Variants in PREX2 observed in about 807,000 individuals in gnomAD.
PREX2 encodes the protein phosphatidylinositol 3,4,5-trisphosphate-dependent Rac exchanger 2 protein.
PREX2 carries 107 observed loss-of-function variants against 203.2 expected under a neutral mutation model. The observed-to-expected ratio is 0.53, with a 90% CI of 0.45 to 0.62. The LOEUF (loss-of-function observed/expected upper bound fraction) is 0.62. Ranked by LOEUF, PREX2 falls within the 20% of genes least tolerant of loss-of-function variation. The pLI, the probability that PREX2 is intolerant of heterozygous loss-of-function variation, is 0.00. For missense variants in PREX2, 1,777 were observed against 1,955.9 expected (o/e 0.91, Z 1.72); for synonymous variants, 672 against 663.6 (o/e 1.01, Z -0.19).
chr8:67,959,291 A>G (rs146851775), intron 1 of PREX2, among the ~76,000 whole-genome samples: 174 of 152,278 alleles, frequency 1.1e-3, no homozygotes, highest in African/African-American at 3.9e-3. Flanking sequence ...TGGATCTGGC[A>G]GTTAGAATGT....
At chr8:67,998,907 A>T (rs543343501) in intron 1 of PREX2, among the ~76,000 whole-genome samples, 7 of 152,220 alleles carry the variant, frequency 4.6e-5, no homozygotes, top group Non-Finnish European at 1.0e-4. Context: ...GTCCTTTTTC[A>T]CTTATGAAGG....
At chr8:68,093,126 C>T (rs914133185) in intron 20 of PREX2, among the ~76,000 whole-genome samples, 2 of 152,066 alleles carry the variant, frequency 1.3e-5, no homozygotes, top group African/African-American at 2.4e-5. Context: ...CGCAGTAGCT[C>T]CTGCCTGTAA....
At chr8:68,061,412 AC>A (rs1808847472) in intron 11 of PREX2, among the ~76,000 whole-genome samples, 1 of 152,208 alleles carries the variant, frequency 6.6e-6, no homozygotes, top group Non-Finnish European at 1.5e-5. Flanking sequence ...ACTCAGGTCC[AC>A]AGCTGTGAGG....
chr8:68,164,014 G>A (rs546000236), intron 35 of PREX2, among the ~76,000 whole-genome samples: 26 of 152,168 alleles, frequency 1.7e-4, no homozygotes, highest in East Asian at 7.7e-4. Flanking sequence ...AAAAGACGGC[G>A]GTAGGGTATG....
chr8:68,057,023 T>C (rs1203849631), intron 10 of PREX2, among the ~76,000 whole-genome samples: 1 of 152,154 alleles, frequency 6.6e-6, no homozygotes, highest in Non-Finnish European at 1.5e-5. Flanking sequence ...TTTGGCTGTG[T>C]CCCCACCCAA....
At chr8:68,034,854 C>T (rs1186991789) in intron 6 of PREX2, among the ~76,000 whole-genome samples, 1 of 151,924 alleles carries the variant, frequency 6.6e-6, no homozygotes, top group Admixed American at 6.6e-5. Flanking sequence ...GTCCTCTGTA[C>T]GAGGTGATTT....
chr8:68,092,176 A>G (rs968603804), intron 20 of PREX2, among the ~76,000 whole-genome samples: 1 of 152,166 alleles, frequency 6.6e-6, no homozygotes, highest in African/African-American at 2.4e-5. Flanking sequence ...TTAAGAGGGA[A>G]CATTACAAGT....
At chr8:68,119,315 A>G in intron 27 of PREX2, 117 bp from the exon 28 acceptor site, 1 of 675,982 alleles carries the variant, frequency 1.5e-6, no homozygotes, top group Non-Finnish European at 2.6e-6. Context: ...AGAACTGTGC[A>G]TGGAATAACA....
intron 30 of PREX2, among the ~76,000 whole-genome samples, chr8:68,122,976 T>G (rs928415706): frequency 6.6e-6 from 1 of 152,122 alleles, no homozygotes; most frequent in Non-Finnish European, 1.5e-5. Context: ...AGAATGTATA[T>G]TCTGTTGTAT....
intron 23 of PREX2, chr8:68,103,787 C>G: frequency 2.0e-6 from 1 of 509,290 alleles, no homozygotes. Context: ...TTTGTCCTTT[C>G]TTGTGGGGGC....
At chr8:68,043,469 G>T (rs1349817829) in intron 7 of PREX2, among the ~76,000 whole-genome samples, 1 of 152,072 alleles carries the variant, frequency 6.6e-6, no homozygotes, top group African/African-American at 2.4e-5. Context: ...CCACACCAGG[G>T]CAGGTATCTA....
At chr8:68,174,790 T>G (rs1234504280) in intron 35 of PREX2, among the ~76,000 whole-genome samples, 2 of 152,200 alleles carry the variant, frequency 1.3e-5, no homozygotes, top group African/African-American at 4.8e-5. Context: ...TGTACGTGAA[T>G]GCTCAAAAGC....
intron 36 of PREX2, 35 bp from the exon 37 acceptor site, chr8:68,192,300 T>A: frequency 6.5e-7 from 1 of 1,529,168 alleles, no homozygotes. Context: ...TTACTAAACA[T>A]GTTGAACTTG....
intron 20 of PREX2, among the ~76,000 whole-genome samples, chr8:68,092,892 G>A (rs1010967637): frequency 6.6e-6 from 1 of 152,222 alleles, no homozygotes; most frequent in South Asian, 2.1e-4. Flanking sequence ...GGGCTCAAGC[G>A]ATCCTCCCAC....
rs747847529 is a variant in PREX2 at position 68,027,233 on chromosome 8, G to T, written c.453G>T (p.Leu151=). 2 of 1,610,978 alleles carry T rather than the reference G, an allele frequency of 1.2e-6. No homozygotes were observed. The highest frequency in any genetic ancestry group is 1.7e-6 in the Non-Finnish European group (2 of 1,177,580). Residue 151 remains leucine, a synonymous_variant, in exon 5 of 40, where the codon CTG becomes CTT. Coordinates refer to ENST00000288368, the MANE Select transcript of PREX2 (RefSeq NM_024870.4). ...TATTTTCACCCCAGAACTGCATGCT[G>T]CTTGGAGGACGGAAGAACACAGATG... ...TIRTFLLNCM[L]LGGRKNTDVP...
chr8:68,040,378 G>T (rs185665828), intron 7 of PREX2, among the ~76,000 whole-genome samples: 1 of 151,792 alleles, frequency 6.6e-6, no homozygotes, highest in African/African-American at 2.4e-5. Flanking sequence ...ATTCTGCCTG[G>T]TCCAGCTCCT....
At chr8:68,133,917 T>C (rs981170175) in intron 31 of PREX2, 142 bp from the exon 32 acceptor site, 1 of 648,474 alleles carries the variant, frequency 1.5e-6, no homozygotes, top group African/African-American at 1.8e-5. Context: ...TGTGTGGTCA[T>C]TTATAGAGCT....
chr8:68,124,285 A>G (rs538004053), intron 30 of PREX2, among the ~76,000 whole-genome samples: 5 of 152,290 alleles, frequency 3.3e-5, no homozygotes, highest in African/African-American at 4.8e-5. Context: ...TGGTACCTGT[A>G]TTCCAGGGAA....
intron 14 of PREX2, among the ~76,000 whole-genome samples, chr8:68,074,824 A>G (rs1272949418): frequency 6.6e-6 from 1 of 152,114 alleles, no homozygotes; most frequent in Non-Finnish European, 1.5e-5. Flanking sequence ...CTCTACTATG[A>G]TTGGAGTATA....
Sources: gnomAD v4.1 joint callset for allele counts (sites outside exome capture counted in the v4.1 genomes callset) on GRCh38, gnomAD v4.1.1 for gene constraint, MANE v1.5 for transcripts, NCBI Gene and HGNC (gene_info 2026-07-23, HGNC 2026-07-21) for gene names.